The following CDH23 variants were observed in gnomAD, a reference collection of about 807,000 sequenced individuals.
CDH23 encodes the protein cadherin-23.
CDH23 carries 189 observed loss-of-function variants against 317.1 expected under a neutral mutation model. That is an observed-to-expected ratio of 0.60 (90% CI 0.53 to 0.67). The LOEUF (loss-of-function observed/expected upper bound fraction) is 0.67, where lower values mean the gene tolerates loss of function less well. Ranked by LOEUF, CDH23 falls within the 30% of genes least tolerant of loss-of-function variation. CDH23 has a pLI of 0.00. For synonymous variants in CDH23, 1,839 were observed against 1,876.8 expected (o/e 0.98, Z 0.52); for missense variants, 4,401 against 4,592.4 (o/e 0.96, Z 1.20).
chr10:71,636,374 C>G (rs181865264), intron 11 of CDH23, among the ~76,000 whole-genome samples: 1 of 152,100 alleles, frequency 6.6e-6, no homozygotes, highest in Non-Finnish European at 1.5e-5. Context: ...AAAAAGCATT[C>G]GCTGGGCATA....
chr10:71,654,813 G>A (rs1402356651), intron 14 of CDH23, among the ~76,000 whole-genome samples: 2 of 152,202 alleles, frequency 1.3e-5, no homozygotes, highest in African/African-American at 4.8e-5. Flanking sequence ...TGGGGGAGGA[G>A]TGTCCCAAGA....
chr10:71,637,228 G>A (rs774966874), intron 11 of CDH23, among the ~76,000 whole-genome samples: 1 of 152,160 alleles, frequency 6.6e-6, no homozygotes, highest in Non-Finnish European at 1.5e-5. Flanking sequence ...TACAGCCGAG[G>A]AAGGAGGGAA....
intron 6 of CDH23, among the ~76,000 whole-genome samples, chr10:71,542,603 G>A (rs751061024): frequency 2.6e-5 from 4 of 152,196 alleles, no homozygotes; most frequent in Non-Finnish European, 5.9e-5. Context: ...TTGCAGGGAG[G>A]CTGAGCTCAG....
At position 71,532,711 on chromosome 10, in the gene CDH23, GTTT is replaced by G. The variant is rs531593760; in HGVS notation, c.429+21512_429+21514del. Among the ~76,000 whole-genome samples, 1,173 of 128,060 alleles carry G rather than the reference GTTT, an allele frequency of 9.2e-3. 18 individuals are homozygous for G. Among genetic ancestry groups the G allele is most frequent in the African/African-American group, 0.032 (1,112 of 34,832 alleles). 84.0% of individuals were successfully genotyped at this position (128,060 alleles called of 152,430 possible). ...TGTTGGCAAGTTTTCTTTTGTTTTTGTTTTTTTTTTTTTTTGTTTTTTTTTTTT... is the reference window on the plus strand; with the variant it reads ...TGTTGGCAAGTTTTCTTTTGTTTTTGTTTTTTTTTTTTGTTTTTTTTTTTT... On this transcript the variant is annotated intron_variant, in intron 6 of 69. Transcript: ENST00000224721.
At chr10:71,775,584 G>A (rs891042503) in intron 38 of CDH23, among the ~76,000 whole-genome samples, 1 of 152,166 alleles carries the variant, frequency 6.6e-6, no homozygotes, top group African/African-American at 2.4e-5. Flanking sequence ...GGGCAGGACA[G>A]GAAGGGCTCA....
At chr10:71,604,428 G>A (rs562727205) in intron 9 of CDH23, among the ~76,000 whole-genome samples, 160 of 152,286 alleles carry the variant, frequency 1.1e-3, no homozygotes, top group African/African-American at 3.7e-3. Context: ...CACAAGAAAC[G>A]TCAGCCCTTG....
At chr10:71,718,164 G>A (rs1259896101) in intron 28 of CDH23, among the ~76,000 whole-genome samples, 3 of 152,192 alleles carry the variant, frequency 2.0e-5, no homozygotes, top group African/African-American at 7.2e-5. Flanking sequence ...TAGCACGGAA[G>A]CTCAGGAGGA....
At chr10:71,560,794 C>T (rs1416881485) in intron 6 of CDH23, among the ~76,000 whole-genome samples, 1 of 151,960 alleles carries the variant, frequency 6.6e-6, no homozygotes, top group African/African-American at 2.4e-5. Flanking sequence ...GAAGCCTGCA[C>T]CTTGTCAGGA....
rs542255664 is a variant in CDH23 at position 71,795,781 on chromosome 10, C to A, written c.6713-1323C>A. Reference sequence around the variant, plus strand: ...CCTGCTCTGCTCCATCCCTGCTGCACCCTGAACTAACTGATGTTAACCCTC... The same window carrying A: ...CCTGCTCTGCTCCATCCCTGCTGCAACCTGAACTAACTGATGTTAACCCTC... On this transcript the variant is annotated intron_variant, in intron 48 of 69. Transcript: ENST00000224721. The A allele has an allele frequency of 3.5e-5, 35 of 986,592 alleles. 1 individual carries two copies. In the South Asian group the frequency reaches 1.0e-3, roughly 29 times the overall value. The allele number at this position is 986,592 out of a possible 1,614,324, so 61.1% of individuals were successfully genotyped here. A position where few individuals can be genotyped will look rare whatever the true frequency, so the allele number is the denominator to read the frequency against.
At chr10:71,512,813 A>G (rs1452070847) in intron 6 of CDH23, among the ~76,000 whole-genome samples, 1 of 152,204 alleles carries the variant, frequency 6.6e-6, no homozygotes, top group African/African-American at 2.4e-5. Context: ...CAAGTCATTC[A>G]TTCATTTATT....
intron 57 of CDH23, 62 bp from the exon 58 acceptor site, chr10:71,807,215 C>A: frequency 2.5e-6 from 4 of 1,590,418 alleles, no homozygotes; most frequent in Non-Finnish European, 3.4e-6. Flanking sequence ...GGCCCTGAAA[C>A]AGGGACTGGA....
intron 11 of CDH23, among the ~76,000 whole-genome samples, chr10:71,627,323 C>T (rs912255592): frequency 3.3e-5 from 5 of 152,164 alleles, no homozygotes; most frequent in Non-Finnish European, 7.3e-5. Context: ...CCAGACTGTG[C>T]GTTTTCCCAT....
chr10:71,726,374 G>A (rs912133276), intron 30 of CDH23, among the ~76,000 whole-genome samples: 1 of 152,178 alleles, frequency 6.6e-6, no homozygotes, highest in Non-Finnish European at 1.5e-5. Flanking sequence ...CCCCCAGGCT[G>A]GAAACAATGA....
At chr10:71,455,886 T>C (rs1020860389) in intron 3 of CDH23, among the ~76,000 whole-genome samples, 3 of 152,126 alleles carry the variant, frequency 2.0e-5, no homozygotes, top group Admixed American at 6.5e-5. Context: ...AGGTGGAGAA[T>C]GGGGCGATTG....
intron 36 of CDH23, 34 bp downstream of exon 36, chr10:71,739,806 C>T: frequency 6.3e-7 from 1 of 1,582,346 alleles, no homozygotes; most frequent in Non-Finnish European, 8.6e-7. Context: ...TGAGAGACCA[C>T]TGGCTAAGTG....
At chr10:71,545,502 A>C (rs757567876) in intron 6 of CDH23, among the ~76,000 whole-genome samples, 26 of 152,230 alleles carry the variant, frequency 1.7e-4, no homozygotes, top group Non-Finnish European at 3.1e-4. Flanking sequence ...AGTCTTTTGC[A>C]CTTTCAGTTA....
intron 6 of CDH23, among the ~76,000 whole-genome samples, chr10:71,551,434 A>G (rs1856591813): frequency 6.6e-6 from 1 of 152,144 alleles, no homozygotes. Flanking sequence ...GTGGAAATCG[A>G]GTCTCCGCAT....
chr10:71,751,076 C>A lies in CDH23; in HGVS notation c.4845+9155C>A. On this transcript the variant is annotated intron_variant, in intron 38 of 69. Transcript: ENST00000224721. The surrounding 1 kb of genome is among the most constrained non-coding windows in gnomAD (Gnocchi z 4.9). Reference sequence around the variant, plus strand: ...ACAGGGGCTGAGCCGTCCAGCATCCCCATGTAGCATCCAGAGGGGTTGAGG... The same window carrying A: ...ACAGGGGCTGAGCCGTCCAGCATCCACATGTAGCATCCAGAGGGGTTGAGG... The A allele has an allele frequency of 1.4e-6, 1 of 735,618 alleles. No individual in the cohort carries two copies. The highest frequency in any genetic ancestry group is 3.0e-5 in the Admixed American group (1 of 32,822). The allele number at this position is 735,618 out of a possible 1,614,324, so 45.6% of individuals were successfully genotyped here. A position where few individuals can be genotyped will look rare whatever the true frequency, so the allele number is the denominator to read the frequency against.
chr10:71,580,832 C>T (rs549630154), intron 9 of CDH23, among the ~76,000 whole-genome samples: 1 of 152,066 alleles, frequency 6.6e-6, no homozygotes, highest in Non-Finnish European at 1.5e-5. Flanking sequence ...AAGGGTGGCT[C>T]AACAGGGCTG....
Sources: allele counts gnomAD v4.1 joint callset (sites outside exome capture counted in the v4.1 genomes callset), GRCh38; gene constraint gnomAD v4.1.1; non-coding constraint Gnocchi (gnomAD v3.1); transcripts MANE v1.5; gene names NCBI Gene and HGNC (gene_info 2026-07-23, HGNC 2026-07-21).